The following PKM variants were observed in gnomAD, a reference collection of about 807,000 sequenced individuals.
The protein encoded by PKM is pyruvate kinase M1/2.
In PKM, 18 loss-of-function variants were observed where a neutral mutation model predicts 49.8. That is an observed-to-expected ratio of 0.36 (90% CI 0.25 to 0.54). PKM has a LOEUF of 0.54. PKM is among the 20% of genes least tolerant of loss of function. The pLI is 0.89. For synonymous variants in PKM, 239 were observed against 261.8 expected (o/e 0.91, Z 0.84); for missense variants, 508 against 713.8 (o/e 0.71, Z 3.28).
chr15:72,219,098 G>A lies in PKM; in HGVS notation c.-1C>T, dbSNP rs758133341. 5 of 1,613,084 alleles carry A rather than the reference G, an allele frequency of 3.1e-6. No homozygotes were observed. The highest frequency in any genetic ancestry group is 2.2e-5 in the East Asian group (1 of 44,854). On this transcript the variant is annotated 5_prime_UTR_variant, in exon 2 of 11. Transcript: ENST00000335181. ...CGGCTTCACTATGGGGCTTCGACAT[G>A]GCTGCTGAGGTCCTGGGTCGAGACA...
chr15:72,224,694 C>T (rs1009414156), intron 1 of PKM, among the ~76,000 whole-genome samples: 3 of 151,844 alleles, frequency 2.0e-5, no homozygotes, highest in African/African-American at 7.3e-5. Context: ...GAAACACCAT[C>T]ACTACTAAAC....
At chr15:72,209,203 C>G (rs1363376206) in intron 5 of PKM, among the ~76,000 whole-genome samples, 1 of 151,716 alleles carries the variant, frequency 6.6e-6, no homozygotes, top group African/African-American at 2.4e-5. Context: ...GCCATCTCTA[C>G]TAAAAATACA....
intron 4 of PKM, 27 bp from the exon 5 acceptor site, chr15:72,209,886 C>A (rs751654085): frequency 1.9e-6 from 3 of 1,600,160 alleles, no homozygotes; most frequent in Admixed American, 1.7e-5. Context: ...AAGCAAGAGT[C>A]CAAACTGGAG....
intron 3 of PKM, among the ~76,000 whole-genome samples, chr15:72,212,376 G>C (rs137951707): frequency 6.6e-6 from 1 of 151,956 alleles, no homozygotes; most frequent in African/African-American, 2.4e-5. Context: ...TCAGGAGGCT[G>C]AGGCAAGAGA....
In PKM at chr15:72,210,485, G is replaced by T. The variant is rs375304487; in HGVS notation, c.247-7C>A. 2.2e-5 allele frequency: 35 copies of T among 1,613,978 alleles called. No individual in the cohort carries two copies. Among genetic ancestry groups the T allele is most frequent in the Non-Finnish European group, 2.9e-5 (34 of 1,180,004 alleles). On this transcript the variant is annotated splice_polypyrimidine_tract_variant and splice_region_variant and intron_variant, in intron 3 of 10. Coordinates refer to ENST00000335181, the MANE Select transcript of PKM (RefSeq NM_002654.6). Reference sequence around the variant, plus strand: ...TGATGGTCTCCGCATGGTACTGGGGGAAAAGAAGGAAGATGACAAGCGTGC... The same window carrying T: ...TGATGGTCTCCGCATGGTACTGGGGTAAAAGAAGGAAGATGACAAGCGTGC...
intron 1 of PKM, 31 bp downstream of exon 1, chr15:72,231,085 G>C: frequency 3.8e-6 from 2 of 532,538 alleles, no homozygotes; most frequent in South Asian, 3.3e-5. Flanking sequence ...CCTTGGTGGG[G>C]ACTGATGGCG....
intron 8 of PKM, among the ~76,000 whole-genome samples, chr15:72,205,731 G>A (rs1336260140): frequency 6.6e-6 from 1 of 151,160 alleles, no homozygotes; most frequent in African/African-American, 2.4e-5. Flanking sequence ...TCTTTCACTG[G>A]CTAGAAAGGG....
chr15:72,220,876 G>A (rs2082503186), intron 1 of PKM, among the ~76,000 whole-genome samples: 2 of 152,204 alleles, frequency 1.3e-5, no homozygotes, highest in South Asian at 4.1e-4. Flanking sequence ...CATGGTTGAG[G>A]GAGGGCTCGC....
intron 7 of PKM, 105 bp downstream of exon 7, chr15:72,207,022 G>A (rs2082100893): frequency 6.7e-7 from 1 of 1,495,084 alleles, no homozygotes; most frequent in Admixed American, 1.7e-5. Context: ...TTATCTGTGT[G>A]TTACGTGCGA....
rs577123854 is a variant in PKM, at chr15:72,230,362, G to T, written c.-14+754C>A. Among the ~76,000 whole-genome samples the T allele has an allele frequency of 6.6e-5, 10 of 152,316 alleles. No individual in the cohort carries two copies. In the East Asian group the frequency reaches 1.7e-3, roughly 26 times the overall value. On this transcript the variant is annotated intron_variant, in intron 1 of 10. Coordinates refer to ENST00000335181, the MANE Select transcript of PKM (RefSeq NM_002654.6). ...CCCTCCGCCCGCCCGCCCCGGACAC[G>T]GGGCCTCAGCACCGCCCGAGCCTGC...
At chr15:72,211,236 T>C (rs1214774339) in intron 3 of PKM, among the ~76,000 whole-genome samples, 1 of 152,076 alleles carries the variant, frequency 6.6e-6, no homozygotes, top group Non-Finnish European at 1.5e-5. Context: ...CCTGGCTAAC[T>C]TCTTCGATTT....
intron 1 of PKM, among the ~76,000 whole-genome samples, chr15:72,229,078 G>C (rs1297887497): frequency 6.6e-6 from 1 of 152,174 alleles, no homozygotes; most frequent in Non-Finnish European, 1.5e-5. Context: ...TTGGGGAACT[G>C]GTTTCCAGGA....
At chr15:72,217,820 T>C (rs1338454408) in intron 2 of PKM, among the ~76,000 whole-genome samples, 1 of 152,220 alleles carries the variant, frequency 6.6e-6, no homozygotes, top group Admixed American at 6.5e-5. Context: ...GCACAGAACA[T>C]GTTAGAAAGA....
At chr15:72,210,320 T>A in intron 4 of PKM, 27 bp downstream of exon 4, 1 of 1,610,922 alleles carries the variant, frequency 6.2e-7, no homozygotes, top group Non-Finnish European at 8.5e-7. Context: ...TACTGAGCCT[T>A]CCCCTCGCTC....
intron 1 of PKM, among the ~76,000 whole-genome samples, chr15:72,226,024 A>T (rs1021476114): frequency 6.6e-6 from 1 of 152,158 alleles, no homozygotes; most frequent in African/African-American, 2.4e-5. Flanking sequence ...CATCGGTGAC[A>T]TTTGTTTTTC....
chr15:72,217,028 G>A (rs2082393214), intron 3 of PKM, among the ~76,000 whole-genome samples: 1 of 152,204 alleles, frequency 6.6e-6, no homozygotes, highest in African/African-American at 2.4e-5. Context: ...TCTGCTAGAT[G>A]GTTTACCATG....
intron 3 of PKM, among the ~76,000 whole-genome samples, chr15:72,214,265 A>G (rs1434945201): frequency 6.6e-6 from 1 of 152,228 alleles, no homozygotes; most frequent in Non-Finnish European, 1.5e-5. Flanking sequence ...TTTTGTAACC[A>G]TGAGTGTTTC....
At chr15:72,218,046 C>T (rs1287086505) in intron 2 of PKM, among the ~76,000 whole-genome samples, 6 of 152,148 alleles carry the variant, frequency 3.9e-5, no homozygotes, top group African/African-American at 1.4e-4. Context: ...GGTTAGTTAA[C>T]ATATCCATGA....
Position 72,219,171 on chromosome 15 carries a change from G to A in PKM, c.-13-61C>T, listed in dbSNP as rs879089035. On this transcript the variant is annotated intron_variant, in intron 1 of 10. Coordinates refer to ENST00000335181, the MANE Select transcript of PKM (RefSeq NM_002654.6). ...TGAGAAGTGGTTAATATACCATTTA[G>A]CACAGAAGGCTGTCTCCTGCTTACA... 6.9e-6 allele frequency: 10 copies of A among 1,458,960 alleles called. No homozygotes were observed. The South Asian group carries it at 9.8e-5, about 14-fold the overall frequency. The allele number at this position is 1,458,960 out of a possible 1,614,324, so 90.4% of individuals were successfully genotyped here. A position where few individuals can be genotyped will look rare whatever the true frequency, so the allele number is the denominator to read the frequency against.
Sources: gnomAD v4.1 joint callset for allele counts (sites outside exome capture counted in the v4.1 genomes callset) on GRCh38, gnomAD v4.1.1 for gene constraint, MANE v1.5 for transcripts, NCBI Gene and HGNC (gene_info 2026-07-23, HGNC 2026-07-21) for gene names.